The following C3orf70 variants were observed in gnomAD, a reference collection of about 807,000 sequenced individuals.
C3orf70 encodes chromosome 3 open reading frame 70.
A neutral mutation model predicts 20.7 loss-of-function variants in C3orf70; 15 were observed. That is an observed-to-expected ratio of 0.72 (90% CI 0.48 to 1.11). The LOEUF (loss-of-function observed/expected upper bound fraction) is 1.11, where lower values mean the gene tolerates loss of function less well. Ranked by LOEUF, C3orf70 falls within the 50% of genes most tolerant of loss-of-function variation. C3orf70 has a pLI of 0.00. For synonymous variants in C3orf70, 161 were observed against 125.7 expected, an observed-to-expected ratio of 1.28 and a Z score of -1.88; for missense variants, 332 against 317.6, an observed-to-expected ratio of 1.05 and a Z score of -0.34.
At chr3:185,107,969 A>C (rs1204228770) in intron 1 of C3orf70, among the ~76,000 whole-genome samples, 2 of 152,146 alleles carry the variant, frequency 1.3e-5, no homozygotes, top group Non-Finnish European at 2.9e-5. Flanking sequence ...CCTTATTTAG[A>C]TCAAATCGCT....
intron 1 of C3orf70, among the ~76,000 whole-genome samples, chr3:185,086,074 C>T (rs760018936): frequency 3.3e-5 from 5 of 152,132 alleles, no homozygotes; most frequent in Admixed American, 1.3e-4. Flanking sequence ...GGAGGATCCT[C>T]GTAGTTGATT....
intron 1 of C3orf70, among the ~76,000 whole-genome samples, chr3:185,114,027 C>T (rs987397102): frequency 6.6e-6 from 1 of 152,102 alleles, no homozygotes; most frequent in African/African-American, 2.4e-5. Context: ...TGAAGAAACC[C>T]TGTCTCTACT....
intron 1 of C3orf70, among the ~76,000 whole-genome samples, chr3:185,086,227 A>G (rs1715457007): frequency 6.6e-6 from 1 of 151,822 alleles, no homozygotes. Flanking sequence ...GCTTCTTCAT[A>G]ATTTCTTTGC....
chr3:185,106,069 C>T (rs1287676085), intron 1 of C3orf70, among the ~76,000 whole-genome samples: 2 of 152,160 alleles, frequency 1.3e-5, no homozygotes, highest in Non-Finnish European at 2.9e-5. Context: ...CCATATCTTT[C>T]TTTTCCAGAG....
At chr3:185,147,486 C>T (rs998937713) in intron 1 of C3orf70, among the ~76,000 whole-genome samples, 13 of 152,206 alleles carry the variant, frequency 8.5e-5, no homozygotes. Context: ...TGGAACTGAG[C>T]TCTGTTGGTT....
rs1242073584 is a variant in C3orf70, at chr3:185,077,849, TATC to T, written c.*5155_*5157del. Among the ~76,000 whole-genome samples, 17 of 151,250 alleles carry T rather than the reference TATC, an allele frequency of 1.1e-4. No homozygotes were observed. Among genetic ancestry groups the T allele is most frequent in the African/African-American group, 3.6e-4 (15 of 41,270 alleles). On this transcript the variant is annotated 3_prime_UTR_variant, in exon 2 of 2. Coordinates refer to ENST00000335012, the MANE Select transcript of C3orf70 (RefSeq NM_001025266.3). ...CCAATGTAGCCAGAGTTCTGGGAGT[TATC>T]ATGAGTGGTGACTCTGAGTAGATAC...
At chr3:185,123,161 A>G (rs1296261496) in intron 1 of C3orf70, among the ~76,000 whole-genome samples, 1 of 134,210 alleles carries the variant, frequency 7.5e-6, no homozygotes, top group Admixed American at 8.0e-5. Flanking sequence ...CCTGGGTGAC[A>G]GACCGAGACT....
chr3:185,084,521 C>T (rs532550612), intron 1 of C3orf70, among the ~76,000 whole-genome samples: 61 of 151,870 alleles, frequency 4.0e-4, no homozygotes, highest in South Asian at 2.5e-3. Flanking sequence ...CACCCCTCCC[C>T]GACACCAATT....
At chr3:185,150,741 A>C (rs1021706509) in intron 1 of C3orf70, among the ~76,000 whole-genome samples, 5 of 152,216 alleles carry the variant, frequency 3.3e-5, no homozygotes, top group African/African-American at 1.2e-4. Context: ...CTACCTTTCT[A>C]GGGGCCACAG....
chr3:185,136,185 C>T (rs1716617292), intron 1 of C3orf70, among the ~76,000 whole-genome samples: 1 of 152,100 alleles, frequency 6.6e-6, no homozygotes, highest in African/African-American at 2.4e-5. Flanking sequence ...AAGTCAACTT[C>T]ACAGAAAAGA....
At chr3:185,092,989 CAAAAA>C (rs35779843) in intron 1 of C3orf70, among the ~76,000 whole-genome samples, 4 of 129,956 alleles carry the variant, frequency 3.1e-5, no homozygotes, top group South Asian at 2.5e-4. Context: ...GACTCCATCT[CAAAAA>C]AAAAAAAAAA....
At chr3:185,134,103 A>G (rs71318393) in intron 1 of C3orf70, among the ~76,000 whole-genome samples, 7,704 of 146,670 alleles carry the variant, frequency 0.053, 319 homozygotes, top group South Asian at 0.08. Context: ...AAAGAAAAAG[A>G]AAAAAAATAC....
At chr3:185,147,550 T>G (rs1716901574) in intron 1 of C3orf70, among the ~76,000 whole-genome samples, 1 of 152,186 alleles carries the variant, frequency 6.6e-6, no homozygotes, top group South Asian at 2.1e-4. Flanking sequence ...AGAGTCCGGG[T>G]GTAGAATCGA....
At chr3:185,105,892 C>T (rs1184936019) in intron 1 of C3orf70, among the ~76,000 whole-genome samples, 2 of 152,170 alleles carry the variant, frequency 1.3e-5, no homozygotes, top group East Asian at 3.9e-4. Context: ...GTGGTTTGTT[C>T]CACCTTGGAA....
rs186815627 is a variant in C3orf70 at position 185,088,874 on chromosome 3, C to T, written c.197-5311G>A. 1.8e-3 allele frequency among the ~76,000 whole-genome samples: 267 copies of T among 152,128 alleles called. 1 individual carries two copies. The highest frequency in any genetic ancestry group is 2.8e-3 in the Non-Finnish European group (190 of 67,998). On this transcript the variant is annotated intron_variant, in intron 1 of 1. Coordinates refer to ENST00000335012, the MANE Select transcript of C3orf70 (RefSeq NM_001025266.3). ...CATGATTCTTCAGATTTTCTATTTA[C>T]GTCATTCCTTCTACATTTATTAATT...
intron 1 of C3orf70, among the ~76,000 whole-genome samples, chr3:185,134,698 T>A (rs974522440): frequency 3.9e-5 from 6 of 152,198 alleles, no homozygotes; most frequent in African/African-American, 1.4e-4. Flanking sequence ...AAAAATTGTG[T>A]ACTTTACCCC....
intron 1 of C3orf70, among the ~76,000 whole-genome samples, chr3:185,090,924 T>A (rs1270450671): frequency 3.3e-5 from 5 of 152,160 alleles, no homozygotes; most frequent in Admixed American, 3.3e-4. Context: ...CATTTTAAAA[T>A]TGCATGTATA....
intron 1 of C3orf70, among the ~76,000 whole-genome samples, chr3:185,149,013 T>C (rs777385820): frequency 6.6e-6 from 1 of 152,252 alleles, no homozygotes. Flanking sequence ...AGGATAATCC[T>C]CTCATTTTAG....
At chr3:185,135,350 G>A (rs1716600802) in intron 1 of C3orf70, among the ~76,000 whole-genome samples, 1 of 152,206 alleles carries the variant, frequency 6.6e-6, no homozygotes, top group Non-Finnish European at 1.5e-5. Flanking sequence ...GCCAGGCGCA[G>A]TGGCTCATGC....
Sources: allele counts gnomAD v4.1 joint callset (sites outside exome capture counted in the v4.1 genomes callset), GRCh38; gene constraint gnomAD v4.1.1; transcripts MANE v1.5; gene names NCBI Gene and HGNC (gene_info 2026-07-23, HGNC 2026-07-21).